PREX1: variants seen among roughly 807,000 people sequenced by gnomAD.
PREX1 encodes the protein phosphatidylinositol-3,4,5-trisphosphate dependent Rac exchange factor 1, also known as phosphatidylinositol 3,4,5-trisphosphate-dependent Rac exchanger 1 protein.
Under a neutral mutation model 198.3 loss-of-function variants are expected in PREX1, and 41 were observed. The observed-to-expected ratio is 0.21, with a 90% confidence interval of 0.16 to 0.27. The LOEUF (loss-of-function observed/expected upper bound fraction) is 0.27. Among genes scored for constraint, PREX1 ranks in the 10% least tolerant of loss-of-function variants. PREX1 has a pLI of 1.00. For synonymous variants in PREX1, 843 were observed against 887.2 expected, an observed-to-expected ratio of 0.95 and a Z score of 0.89; for missense variants, 1,620 against 2,200.7, an observed-to-expected ratio of 0.74 and a Z score of 5.28.
At chr20:48,858,050 G>A in the PREX1 span, among the ~76,000 whole-genome samples, 1 of 152,344 alleles carries the variant, frequency 6.6e-6, no homozygotes, top group African/African-American at 2.4e-5. Context: ...CAGCGGCAGG[G>A]GCCATGTCTC....
upstream of PREX1, among the ~76,000 whole-genome samples, chr20:48,828,122 C>T (rs1219538323): frequency 1.3e-5 from 2 of 149,612 alleles, no homozygotes; most frequent in South Asian, 2.1e-4. Context: ...GGACCGTCTG[C>T]CAAGTGCCAC....
chr20:48,716,482 C>T lies in PREX1; in HGVS notation c.622-8061G>A, dbSNP rs117064713. On this transcript the variant is annotated intron_variant, in intron 5 of 39. Coordinates refer to ENST00000371941, the MANE Select transcript of PREX1 (RefSeq NM_020820.4). ...GCTAGAGCCAGCTCCTACTGGCTCA[C>T]TCAGCTTCACCGAAGGCCCAGCTCA... is the stretch of plus-strand genomic sequence containing the variant. 9.5e-4 allele frequency among the ~76,000 whole-genome samples: 144 copies of T among 152,326 alleles called. No homozygotes were observed. The East Asian group carries it at 0.025, about 26-fold the overall frequency.
chr20:48,674,189 T>C (rs2089694226), intron 14 of PREX1, among the ~76,000 whole-genome samples: 1 of 152,248 alleles, frequency 6.6e-6, no homozygotes, highest in Non-Finnish European at 1.5e-5. Flanking sequence ...TAGGGTCCCA[T>C]ATCATAGCAA....
chr20:48,740,878 C>A (rs940459679), intron 3 of PREX1, among the ~76,000 whole-genome samples: 3 of 152,196 alleles, frequency 2.0e-5, no homozygotes, highest in Non-Finnish European at 2.9e-5. Context: ...AGATAGAATG[C>A]GGTAATACCG....
At chr20:48,715,547 C>T (rs548046069) in intron 5 of PREX1, among the ~76,000 whole-genome samples, 1 of 152,264 alleles carries the variant, frequency 6.6e-6, no homozygotes, top group East Asian at 1.9e-4. Context: ...GCACAAGTGG[C>T]CTCACCTCTC....
chr20:48,855,508 C>T, the PREX1 span, among the ~76,000 whole-genome samples: 2 of 152,140 alleles, frequency 1.3e-5, no homozygotes, highest in Non-Finnish European at 2.9e-5. Flanking sequence ...GACTCTGTTC[C>T]AGTCATCTGT....
At chr20:48,639,620 T>C in intron 30 of PREX1, 146 bp downstream of exon 30, 2 of 1,258,848 alleles carry the variant, frequency 1.6e-6, no homozygotes, top group Non-Finnish European at 2.2e-6. Context: ...GACACTCAGC[T>C]GAGAGAGGGC....
chr20:48,742,210 G>C (rs2090085735), intron 3 of PREX1, among the ~76,000 whole-genome samples: 1 of 152,198 alleles, frequency 6.6e-6, no homozygotes, highest in African/African-American at 2.4e-5. Context: ...AGTGATCCCA[G>C]GTCTGGGCAC....
At chr20:48,708,110 T>A in intron 6 of PREX1, 150 bp downstream of exon 6, 1 of 881,314 alleles carries the variant, frequency 1.1e-6, no homozygotes, top group Non-Finnish European at 1.6e-6. Flanking sequence ...TGGATTTAAT[T>A]GAAAAATAAT....
At position 48,627,912 on chromosome 20, in the gene PREX1, G is replaced by A. The variant is rs6125402; in HGVS notation, c.4818C>T (p.His1606=). 0.094 allele frequency: 151,900 copies of A among 1,612,694 alleles called. 8,016 individuals are homozygous for A. Among genetic ancestry groups the A allele is most frequent in the East Asian group, 0.17 (7,685 of 44,826 alleles). ...LEQAAILARS[H]GLLPKCIMQA... ...GCATGATGCACTTGGGCAGCAACCCGTGGCTCCGTGCCAAGATGGCCGCCT... is the reference window on the plus strand; with the variant it reads ...GCATGATGCACTTGGGCAGCAACCCATGGCTCCGTGCCAAGATGGCCGCCT... Residue 1606 remains histidine (H), a synonymous_variant, in exon 38 of 40, where the codon CAC becomes CAT. Coordinates refer to ENST00000371941, the MANE Select transcript of PREX1 (RefSeq NM_020820.4).
intron 16 of PREX1, 93 bp from the exon 17 acceptor site, chr20:48,658,321 C>T (rs2089561686): frequency 7.7e-7 from 1 of 1,293,152 alleles, no homozygotes; most frequent in Admixed American, 2.0e-5. Flanking sequence ...GACCTCGTCC[C>T]AGGTCTAGTA....
intron 7 of PREX1, 80 bp downstream of exon 7, chr20:48,700,673 A>G (rs1384602368): frequency 1.3e-6 from 2 of 1,549,758 alleles, no homozygotes; most frequent in African/African-American, 2.7e-5. Flanking sequence ...AGGGAGGCCC[A>G]GAGAGGGAAG....
intron 1 of PREX1, among the ~76,000 whole-genome samples, chr20:48,812,056 T>G (rs1600530871): frequency 6.6e-6 from 1 of 152,198 alleles, no homozygotes; most frequent in Non-Finnish European, 1.5e-5. Flanking sequence ...GTCTTCCAGC[T>G]CCAACAGCCG....
At position 48,631,344 on chromosome 20, in the gene PREX1, G is replaced by A. The variant is rs547928272; in HGVS notation, c.4527-550C>T. 1.4e-4 allele frequency among the ~76,000 whole-genome samples: 22 copies of A among 152,322 alleles called. No individual in the cohort carries two copies. The South Asian group carries it at 3.7e-3, about 26-fold the overall frequency. On this transcript the variant is annotated intron_variant, in intron 35 of 39. Transcript: ENST00000371941. ...CTTTATTTACAAAACAGGGAGACAA[G>A]GAGGGCCAGATTTTGACAACCCCTG... is the stretch of plus-strand genomic sequence containing the variant.
At chr20:48,690,886 C>T in intron 9 of PREX1, 61 bp downstream of exon 9, 1 of 1,606,776 alleles carries the variant, frequency 6.2e-7, no homozygotes, top group South Asian at 1.1e-5. Flanking sequence ...ACAGCCCCCA[C>T]TCAGAAGAAG....
chr20:48,665,354 G>C (rs762860476), intron 15 of PREX1, among the ~76,000 whole-genome samples: 1 of 151,108 alleles, frequency 6.6e-6, no homozygotes, highest in Non-Finnish European at 1.5e-5. Flanking sequence ...GACTCCAGAC[G>C]GCCTGAGTTC....
At chr20:48,826,586 T>A (rs1338365619) in intron 1 of PREX1, among the ~76,000 whole-genome samples, 1 of 152,188 alleles carries the variant, frequency 6.6e-6, no homozygotes, top group East Asian at 1.9e-4. Context: ...CAGGACCCAG[T>A]AGCTCACGCC....
At chr20:48,868,322 A>AT in the PREX1 span, among the ~76,000 whole-genome samples, 781 of 146,942 alleles carry the variant, frequency 5.3e-3, 2 homozygotes, top group African/African-American at 0.012. Context: ...AAAACACTTA[A>AT]TTTTTTTTTT....
chr20:48,847,371 A>AAAAAAAAAAACAAAAC, the PREX1 span, among the ~76,000 whole-genome samples: 1 of 149,394 alleles, frequency 6.7e-6, no homozygotes, highest in African/African-American at 2.5e-5. Flanking sequence ...TTATAAAAAA[A>AAAAAAAAAAACAAAAC]AAAAAAAAAA....
Sources: gnomAD v4.1 joint callset for allele counts (sites outside exome capture counted in the v4.1 genomes callset) on GRCh38, gnomAD v4.1.1 for gene constraint, MANE v1.5 for transcripts, NCBI Gene and HGNC (gene_info 2026-07-23, HGNC 2026-07-21) for gene names.